RAB38: variants seen among roughly 807,000 people sequenced by gnomAD.
RAB38 encodes ras-related protein Rab-38.
Under a neutral mutation model 18.4 loss-of-function variants are expected in RAB38, and 15 were observed. The ratio of observed to expected loss-of-function variants is 0.82; its 90% CI spans 0.55 to 1.26. The LOEUF (loss-of-function observed/expected upper bound fraction) is 1.26, where lower values mean the gene tolerates loss of function less well. Ranked by LOEUF, RAB38 falls within the 50% of genes most tolerant of loss-of-function variation. RAB38 has a pLI of 0.00. For missense variants in RAB38, 294 were observed against 267.4 expected (o/e 1.10, Z -0.69); for synonymous variants, 101 against 104.4 (o/e 0.97, Z 0.20).
At chr11:87,858,522 G>T in the RAB38 span, among the ~76,000 whole-genome samples, 32 of 151,954 alleles carry the variant, frequency 2.1e-4, no homozygotes, top group Non-Finnish European at 4.4e-4. Context: ...AGCCATTACG[G>T]TTCTAGCATC....
At chr11:88,009,345 A>G in the RAB38 span, among the ~76,000 whole-genome samples, 1 of 152,184 alleles carries the variant, frequency 6.6e-6, no homozygotes, top group Admixed American at 6.5e-5. Context: ...TCAATATGTT[A>G]TTAGAAGATA....
At chr11:88,061,076 G>A in the RAB38 span, among the ~76,000 whole-genome samples, 17 of 152,246 alleles carry the variant, frequency 1.1e-4, no homozygotes, top group Non-Finnish European at 1.8e-4. Flanking sequence ...AACATTATCC[G>A]TGCCCTACAA....
the RAB38 span, among the ~76,000 whole-genome samples, chr11:88,036,057 G>T: frequency 6.6e-6 from 1 of 152,098 alleles, no homozygotes; most frequent in Non-Finnish European, 1.5e-5. Context: ...ATACTAGTCA[G>T]ATGCAAACTA....
At chr11:87,889,776 C>G in the RAB38 span, among the ~76,000 whole-genome samples, 125 of 149,982 alleles carry the variant, frequency 8.3e-4, no homozygotes, top group African/African-American at 3.0e-3. Context: ...ATACATGACA[C>G]TTACTGTTCT....
chr11:87,871,285 G>A, the RAB38 span, among the ~76,000 whole-genome samples: 66 of 151,626 alleles, frequency 4.4e-4, no homozygotes, highest in Non-Finnish European at 7.5e-4. Context: ...CCTCCCTACC[G>A]TCTGCCACCA....
the RAB38 span, among the ~76,000 whole-genome samples, chr11:87,868,524 C>G: frequency 7.4e-4 from 86 of 115,720 alleles, 1 homozygote; most frequent in East Asian, 0.02. Context: ...AATGTGGCAA[C>G]AGAAATGAAA....
chr11:87,839,729 G>A, the RAB38 span, among the ~76,000 whole-genome samples: 1 of 152,168 alleles, frequency 6.6e-6, no homozygotes, highest in Non-Finnish European at 1.5e-5. Context: ...AAGCAATGAA[G>A]TAGAAGATAG....
the RAB38 span, among the ~76,000 whole-genome samples, chr11:87,888,900 C>G: frequency 6.6e-6 from 1 of 151,882 alleles, no homozygotes; most frequent in African/African-American, 2.4e-5. Flanking sequence ...TCCAAGGAGA[C>G]ACCACTAGCA....
chr11:88,107,474 G>A, the RAB38 span, among the ~76,000 whole-genome samples: 266 of 151,850 alleles, frequency 1.8e-3, 1 homozygote, highest in African/African-American at 6.4e-3. Context: ...TACTTGTTAT[G>A]TTTTAGCACT....
At chr11:88,101,834 A>C in the RAB38 span, among the ~76,000 whole-genome samples, 108 of 151,372 alleles carry the variant, frequency 7.1e-4, 1 homozygote, top group African/African-American at 2.6e-3. Flanking sequence ...ATCTCTATTT[A>C]TAATTACACT....
At chr11:88,038,748 C>T in the RAB38 span, among the ~76,000 whole-genome samples, 1 of 152,164 alleles carries the variant, frequency 6.6e-6, no homozygotes, top group Non-Finnish European at 1.5e-5. Flanking sequence ...TTCATCTTCA[C>T]TATTATTTCC....
At chr11:87,946,328 G>T in the RAB38 span, among the ~76,000 whole-genome samples, 2 of 152,020 alleles carry the variant, frequency 1.3e-5, no homozygotes, top group Non-Finnish European at 2.9e-5. Flanking sequence ...TGATGTATGA[G>T]AACATTTGGA....
the RAB38 span, among the ~76,000 whole-genome samples, chr11:88,045,284 C>T: frequency 6.6e-6 from 1 of 152,196 alleles, no homozygotes; most frequent in Non-Finnish European, 1.5e-5. Flanking sequence ...ATTAAACTCA[C>T]CTTAAAGGTG....
the RAB38 span, among the ~76,000 whole-genome samples, chr11:87,977,901 A>G: frequency 2.7e-5 from 3 of 112,720 alleles, no homozygotes; most frequent in African/African-American, 1.1e-4. Context: ...AGATTTACAT[A>G]TAATTATATA....
chr11:87,864,007 T>C, the RAB38 span, among the ~76,000 whole-genome samples: 2 of 151,682 alleles, frequency 1.3e-5, no homozygotes, highest in Non-Finnish European at 3.0e-5. Context: ...AGAGCTTTGC[T>C]GGGTGTGGTG....
the RAB38 span, among the ~76,000 whole-genome samples, chr11:87,886,343 A>G: frequency 6.6e-6 from 1 of 151,880 alleles, no homozygotes; most frequent in Non-Finnish European, 1.5e-5. Context: ...GTGCATGCAC[A>G]TGTGCAGGAG....
the RAB38 span, among the ~76,000 whole-genome samples, chr11:87,907,003 T>A: frequency 6.6e-6 from 1 of 151,966 alleles, no homozygotes; most frequent in East Asian, 1.9e-4. Context: ...GTTTTTGCTT[T>A]TATTAATAAG....
At chr11:87,953,336 G>GAGAT in the RAB38 span, among the ~76,000 whole-genome samples, 1 of 152,130 alleles carries the variant, frequency 6.6e-6, no homozygotes, top group African/African-American at 2.4e-5. Context: ...AGAGTGATGG[G>GAGAT]AGATACTTCA....
chr11:88,046,362 A>T, the RAB38 span, among the ~76,000 whole-genome samples: 2 of 152,086 alleles, frequency 1.3e-5, no homozygotes, highest in East Asian at 3.9e-4. Flanking sequence ...TATCCACCCC[A>T]TGGTGCCAAA....
Sources: gnomAD v4.1 joint callset for allele counts (sites outside exome capture counted in the v4.1 genomes callset) on GRCh38, gnomAD v4.1.1 for gene constraint, MANE v1.5 for transcripts, NCBI Gene and HGNC (gene_info 2026-07-23, HGNC 2026-07-21) for gene names.